Variants in SENP5 observed in about 807,000 individuals in gnomAD.
SENP5 encodes sentrin-specific protease 5.
SENP5 carries 21 observed loss-of-function variants against 74.2 expected under a neutral mutation model. The observed-to-expected ratio is 0.28, with a 90% CI of 0.20 to 0.41. The LOEUF is 0.41. Among genes scored for constraint, SENP5 ranks in the 10% least tolerant of loss-of-function variants. The pLI, the probability that SENP5 is intolerant of heterozygous loss-of-function variation, is 1.00. For synonymous variants in SENP5, 311 were observed against 312.7 expected, an observed-to-expected ratio of 0.99 and a Z score of 0.06; for missense variants, 717 against 889.1, an observed-to-expected ratio of 0.81 and a Z score of 2.46.
In SENP5 at chr3:196,885,473, AGAAAG is replaced by A. The variant is rs1347367490; in HGVS notation, c.295_299del (p.Lys99ArgfsTer2). On this transcript the variant is annotated frameshift_variant, in exon 2 of 10. Coordinates refer to ENST00000323460, the MANE Select transcript of SENP5 (RefSeq NM_152699.5). LOFTEE classifies it high-confidence loss of function. Reference sequence around the variant, plus strand: ...TAGTACTTTGTCCTCTAAAGTGAAAAGAAAGGACGCTAAACACTTCATTTCCTCCT... The same window carrying A: ...TAGTACTTTGTCCTCTAAAGTGAAAAGACGCTAAACACTTCATTTCCTCCT... 9 of 1,614,010 alleles carry A rather than the reference AGAAAG, an allele frequency of 5.6e-6. No individual in the cohort carries two copies. Among genetic ancestry groups the A allele is most frequent in the African/African-American group, 1.3e-5 (1 of 74,936 alleles).
intron 1 of SENP5, among the ~76,000 whole-genome samples, chr3:196,874,147 T>TA (rs1560137104): frequency 2.0e-4 from 29 of 145,946 alleles, no homozygotes; most frequent in African/African-American, 5.5e-4. Context: ...CCTTTTTTTT[T>TA]TAAAAAAAAA....
rs1451770815 is a variant in SENP5, at chr3:196,886,652, G to A, written c.1471G>A (p.Ala491Thr). 6.3e-7 allele frequency: 1 copy of A among 1,595,774 alleles called. No homozygotes were observed. The change falls in exon 2 of 10, where the codon GCC (alanine) becomes ACC (threonine). Residue 491 changes from alanine to threonine, a missense_variant. Physicochemically the swap from Ala to Thr is moderately conservative, Grantham distance 58. Coordinates refer to ENST00000323460, the MANE Select transcript of SENP5 (RefSeq NM_152699.5). ...AGGAGGTGGAAAGAACAGTCAGAAA[G>A]CCTCTCCAGTGGATGATGAACAGCT... ...QVGGGKNSQK[A>T]SPVDDEQLSV...
chr3:196,874,244 T>A (rs1006270272), intron 1 of SENP5, among the ~76,000 whole-genome samples: 4 of 91,332 alleles, frequency 4.4e-5, no homozygotes, highest in Non-Finnish European at 8.6e-5. Context: ...GCAGTCTTTA[T>A]CCAGAAGTAA....
intron 1 of SENP5, among the ~76,000 whole-genome samples, chr3:196,883,944 G>A (rs1713836080): frequency 1.3e-5 from 2 of 152,044 alleles, no homozygotes; most frequent in South Asian, 2.1e-4. Context: ...CATCTGCTTC[G>A]GCTTCCCAAA....
At chr3:196,900,562 T>A in intron 5 of SENP5, 150 bp downstream of exon 5, 1 of 566,370 alleles carries the variant, frequency 1.8e-6, no homozygotes, top group Non-Finnish European at 3.0e-6. Flanking sequence ...GTACTGGGCT[T>A]GATCGTAAGT....
chr3:196,883,873 G>A (rs1278177640), intron 1 of SENP5, among the ~76,000 whole-genome samples: 1 of 152,064 alleles, frequency 6.6e-6, no homozygotes, highest in Non-Finnish European at 1.5e-5. Flanking sequence ...TGTATTTTTA[G>A]TAGAGACGGG....
At chr3:196,885,033 G>T in intron 1 of SENP5, 118 bp from the exon 2 acceptor site, 1 of 618,884 alleles carries the variant, frequency 1.6e-6, no homozygotes, top group South Asian at 2.2e-5. Context: ...GTGTCCAATA[G>T]TCTAAATTGA....
intron 6 of SENP5, among the ~76,000 whole-genome samples, chr3:196,923,101 A>G (rs1326179412): frequency 6.6e-6 from 1 of 152,218 alleles, no homozygotes; most frequent in Non-Finnish European, 1.5e-5. Context: ...CAAGAGTTGA[A>G]TCCAGGTTAA....
At chr3:196,917,036 A>G (rs78849968) in intron 6 of SENP5, among the ~76,000 whole-genome samples, 2,406 of 152,118 alleles carry the variant, frequency 0.016, 56 homozygotes, top group African/African-American at 0.053. Context: ...CAGAACGCTG[A>G]AGCACAAGAA....
chr3:196,910,335 CTTTTTTTTTTTTTTTTT>C (rs869108574), intron 6 of SENP5, among the ~76,000 whole-genome samples: 7 of 51,336 alleles, frequency 1.4e-4, no homozygotes, highest in African/African-American at 5.6e-4. Flanking sequence ...CCAAAGTAAT[CTTTTTTTTTTTTTTTTT>C]TTTTTTTTTT....
At chr3:196,884,758 C>T (rs1434317495) in intron 1 of SENP5, among the ~76,000 whole-genome samples, 1 of 151,588 alleles carries the variant, frequency 6.6e-6, no homozygotes, top group Non-Finnish European at 1.5e-5. Flanking sequence ...GTGCAACCTC[C>T]ACCTCCCAGG....
At chr3:196,904,712 A>G (rs200019897) in intron 6 of SENP5, among the ~76,000 whole-genome samples, 1 of 152,040 alleles carries the variant, frequency 6.6e-6, no homozygotes, top group African/African-American at 2.4e-5. Context: ...TCGCTTGAAC[A>G]TGGGAGGTGG....
At chr3:196,877,645 A>G (rs1038783588) in intron 1 of SENP5, among the ~76,000 whole-genome samples, 1 of 152,188 alleles carries the variant, frequency 6.6e-6, no homozygotes, top group Non-Finnish European at 1.5e-5. Flanking sequence ...CAAAAGGAAC[A>G]TAGTGTGATC....
chr3:196,930,914 C>G lies in SENP5; in HGVS notation c.2259C>G (p.Leu753=), dbSNP rs201077075. ...ACAAGGAGCTATGTGAGTGCCGGCT[C>G]ATGGACTGAAACTCAGCAGGGACTC... ...RIYKELCECR[L]MD Residue 753 remains leucine (L), a synonymous_variant, in exon 10 of 10, where the codon CTC becomes CTG. Coordinates refer to ENST00000323460, the MANE Select transcript of SENP5 (RefSeq NM_152699.5). The G allele has an allele frequency of 1.4e-5, 22 of 1,609,558 alleles. No individual in the cohort carries two copies. Among genetic ancestry groups the G allele is most frequent in the Non-Finnish European group, 1.8e-5 (21 of 1,175,956 alleles).
chr3:196,873,709 G>A (rs1172597693), intron 1 of SENP5, among the ~76,000 whole-genome samples: 3 of 151,854 alleles, frequency 2.0e-5, no homozygotes. Context: ...GTGTGGTGGC[G>A]GGCGCCTGAA....
chr3:196,875,892 G>T lies in SENP5; in HGVS notation c.-32+7819G>T, dbSNP rs1442307558. Among the ~76,000 whole-genome samples the T allele has an allele frequency of 7.2e-5, 11 of 151,978 alleles. No individual in the cohort carries two copies. The East Asian group carries it at 1.9e-3, about 27-fold the overall frequency. On this transcript the variant is annotated intron_variant, in intron 1 of 9. Transcript: ENST00000323460. ...ACACAGGCATGTACCACCACTTTTG[G>T]CTATTTTTTTTGGAGACAGGATCTC...
chr3:196,877,002 C>T (rs374679341), intron 1 of SENP5, among the ~76,000 whole-genome samples: 4 of 151,898 alleles, frequency 2.6e-5, no homozygotes, highest in South Asian at 2.1e-4. Flanking sequence ...CTGCCACCCA[C>T]ATTGCTTACT....
In SENP5 at chr3:196,931,982, G is replaced by C. The variant is rs1346697257; in HGVS notation, c.*1059G>C. On this transcript the variant is annotated 3_prime_UTR_variant, in exon 10 of 10. Transcript: ENST00000323460. ...CATGGGAGCGCAGCAACCGTGTCAG[G>C]TTCTTTCTCCTGTCCCATTAGTGAC... The C allele has an allele frequency of 6.7e-6, 3 of 445,282 alleles. No homozygotes were observed. Among genetic ancestry groups the C allele is most frequent in the African/African-American group, 6.1e-5 (3 of 49,310 alleles). 27.6% of individuals were successfully genotyped at this position (445,282 alleles called of 1,614,324 possible).
intron 2 of SENP5, among the ~76,000 whole-genome samples, chr3:196,887,505 G>C (rs1237447762): frequency 6.7e-6 from 1 of 150,162 alleles, no homozygotes; most frequent in East Asian, 1.9e-4. Flanking sequence ...CAACTGGATT[G>C]TTTCTGTTTT....
Sources: gnomAD v4.1 joint callset for allele counts (sites outside exome capture counted in the v4.1 genomes callset) on GRCh38, gnomAD v4.1.1 for gene constraint, MANE v1.5 for transcripts, NCBI Gene and HGNC (gene_info 2026-07-23, HGNC 2026-07-21) for gene names.